The following MFSD6 variants were observed in gnomAD, a reference collection of about 807,000 sequenced individuals.
MFSD6 encodes the protein major facilitator superfamily domain-containing protein 6.
Under a neutral mutation model 56.3 loss-of-function variants are expected in MFSD6, and 26 were observed. The ratio of observed to expected loss-of-function variants is 0.46; its 90% CI spans 0.34 to 0.64. The LOEUF (loss-of-function observed/expected upper bound fraction) is 0.64, where lower values mean the gene tolerates loss of function less well. MFSD6 is among the 30% of genes least tolerant of loss of function. The pLI is 0.01. For missense variants in MFSD6, 750 were observed against 986.2 expected, an observed-to-expected ratio of 0.76 and a Z score of 3.21; for synonymous variants, 331 against 366.9, an observed-to-expected ratio of 0.90 and a Z score of 1.12.
rs947061248 is a variant in MFSD6, at chr2:190,489,131, A to G, written c.1792+313A>G. Among the ~76,000 whole-genome samples, 2 of 152,238 alleles carry G rather than the reference A, an allele frequency of 1.3e-5. No individual in the cohort carries two copies. Among genetic ancestry groups the G allele is most frequent in the Non-Finnish European group, 2.9e-5 (2 of 68,040 alleles). On this transcript the variant is annotated intron_variant, in intron 5 of 7. Coordinates refer to ENST00000392328, the MANE Select transcript of MFSD6 (RefSeq NM_017694.4). The surrounding 1 kb of genome is among the most constrained non-coding windows in gnomAD (Gnocchi z 6.6). ...CTTTTGGTCTAAAATAAGGTACCTTAAACCTGCTGATAATAACCCTAAAGG... is the reference window on the plus strand; with the variant it reads ...CTTTTGGTCTAAAATAAGGTACCTTGAACCTGCTGATAATAACCCTAAAGG...
At chr2:190,409,482 T>TG (rs1690463295) in intron 1 of MFSD6, among the ~76,000 whole-genome samples, 1 of 152,140 alleles carries the variant, frequency 6.6e-6, no homozygotes. Flanking sequence ...TAAATAGATG[T>TG]GTGTGCTTGG....
chr2:190,407,800 C>G (rs1318419481), upstream of MFSD6, among the ~76,000 whole-genome samples: 3 of 152,226 alleles, frequency 2.0e-5, no homozygotes, highest in Admixed American at 6.5e-5. This position sits in a 1 kb window ranked among gnomAD's most constrained non-coding sequence, Gnocchi z 5.4. Context: ...CCGCCGGCTC[C>G]TCCCTCCCGG....
At position 190,438,719 on chromosome 2, in the gene MFSD6, C is replaced by T. The variant is rs975791713; in HGVS notation, c.1532+1158C>T. On this transcript the variant is annotated intron_variant, in intron 3 of 7. Coordinates refer to ENST00000392328, the MANE Select transcript of MFSD6 (RefSeq NM_017694.4). This position sits in a 1 kb window ranked among gnomAD's most constrained non-coding sequence, Gnocchi z 5.2. ...TGAAGTTGCTGTAACTAAAAGCAAC[C>T]GTATGTGTTTGTGTGTATTTAAATC... is the stretch of plus-strand genomic sequence containing the variant. Among the ~76,000 whole-genome samples, 11 of 151,914 alleles carry T rather than the reference C, an allele frequency of 7.2e-5. No individual in the cohort carries two copies. The highest frequency in any genetic ancestry group is 2.0e-4 in the Admixed American group (3 of 15,254).
Position 190,467,722 on chromosome 2 carries a change from T to C in MFSD6, c.1533-2036T>C, listed in dbSNP as rs1687680228. Among the ~76,000 whole-genome samples, 1 of 152,172 alleles carries C rather than the reference T, an allele frequency of 6.6e-6. No individual in the cohort carries two copies. The highest frequency in any genetic ancestry group is 1.5e-5 in the Non-Finnish European group (1 of 68,028). ...TATATGGCCCGTGAACTAAGAATAA[T>C]AGTTTCTACATGTTTAAATGGTTGA... On this transcript the variant is annotated intron_variant, in intron 3 of 7. Coordinates refer to ENST00000392328, the MANE Select transcript of MFSD6 (RefSeq NM_017694.4). The surrounding 1 kb of genome is among the most constrained non-coding windows in gnomAD (Gnocchi z 5.5).
Position 190,436,946 on chromosome 2 carries a change from T to C in MFSD6, c.917T>C (p.Val306Ala). ...GGAGAATTTTTCAGTGCCTCTTCTG[T>C]CACAATCGTAGACACGGTCACACTC... ...IIGEFFSASS[V>A]TIVDTVTLQY... Residue 306 changes from valine (V) to alanine (A), a missense_variant, in exon 3 of 8, where the codon GTC becomes GCC. Val to Ala is a moderately conservative substitution (Grantham distance 64). Around this residue, in one of 5 missense-constraint regions of MFSD6, gnomAD observed 376 missense variants for 437.9 expected, o/e 0.86. Coordinates refer to ENST00000392328, the MANE Select transcript of MFSD6 (RefSeq NM_017694.4). The surrounding 1 kb of genome is among the most constrained non-coding windows in gnomAD (Gnocchi z 5.3). 1 of 1,614,196 alleles carries C rather than the reference T, an allele frequency of 6.2e-7. No homozygotes were observed. The highest frequency in any genetic ancestry group is 8.5e-7 in the Non-Finnish European group (1 of 1,180,040).
At position 190,424,007 on chromosome 2, in the gene MFSD6, G is replaced by A. The variant is rs1204228558; in HGVS notation, c.-54+8594G>A. Among the ~76,000 whole-genome samples the A allele has an allele frequency of 6.6e-6, 1 of 152,100 alleles. No homozygotes were observed. Among genetic ancestry groups the A allele is most frequent in the Non-Finnish European group, 1.5e-5 (1 of 68,030 alleles). ...CTAATTGGATTGTTTGTTGAGTTTG[G>A]AGAATTCTTTACATATTCTAGAAAC... On this transcript the variant is annotated intron_variant, in intron 2 of 7. Transcript: ENST00000392328. This position sits in a 1 kb window ranked among gnomAD's most constrained non-coding sequence, Gnocchi z 5.9.
Position 190,469,141 on chromosome 2 carries a change from C to A in MFSD6, c.1533-617C>A, listed in dbSNP as rs1205923134. ...TATTAGTTTTGTAAACATATGATAC[C>A]ATGAATTTTTTAAAAGATGAACATG... is the stretch of plus-strand genomic sequence containing the variant. On this transcript the variant is annotated intron_variant, in intron 3 of 7. Coordinates refer to ENST00000392328, the MANE Select transcript of MFSD6 (RefSeq NM_017694.4). This position sits in a 1 kb window ranked among gnomAD's most constrained non-coding sequence, Gnocchi z 5.3. Among the ~76,000 whole-genome samples the A allele has an allele frequency of 6.6e-6, 1 of 152,028 alleles. No homozygotes were observed. Among genetic ancestry groups the A allele is most frequent in the Non-Finnish European group, 1.5e-5 (1 of 68,004 alleles).
At chr2:190,441,793 C>G (rs1686388567) in intron 3 of MFSD6, among the ~76,000 whole-genome samples, 1 of 152,120 alleles carries the variant, frequency 6.6e-6, no homozygotes. Flanking sequence ...GTGGGTGGCC[C>G]TGAGCTCCAA....
intron 4 of MFSD6, among the ~76,000 whole-genome samples, chr2:190,479,517 AC>A (rs1339937763): frequency 6.6e-6 from 1 of 152,224 alleles, no homozygotes; most frequent in Non-Finnish European, 1.5e-5. Context: ...TGTACAAAGA[AC>A]AATTAAACAT....
rs6752113 is a variant in MFSD6, at chr2:190,418,002, A to G, written c.-54+2589A>G. 0.3 allele frequency among the ~76,000 whole-genome samples: 32,627 copies of G among 109,150 alleles called. 4,143 individuals are homozygous for G. Among genetic ancestry groups the G allele is most frequent in the South Asian group, 0.42 (1,503 of 3,572 alleles). The allele number at this position is 109,150 out of a possible 152,430, so 71.6% of individuals were successfully genotyped here. A position where few individuals can be genotyped will look rare whatever the true frequency, so the allele number is the denominator to read the frequency against. On this transcript the variant is annotated intron_variant, in intron 2 of 7. Coordinates refer to ENST00000392328, the MANE Select transcript of MFSD6 (RefSeq NM_017694.4). The surrounding 1 kb of genome is among the most constrained non-coding windows in gnomAD (Gnocchi z 4.1). ...TGTGTGTGTGTGTGTGTGTGTGTGT[A>G]TGTGAGAGAGAGAGAGATGTGGTTT... is the stretch of plus-strand genomic sequence containing the variant.
rs1194160514 is a variant in MFSD6 at position 190,465,395 on chromosome 2, T to C, written c.1533-4363T>C. Among the ~76,000 whole-genome samples the C allele has an allele frequency of 1.3e-5, 2 of 152,082 alleles. No individual in the cohort carries two copies. Among genetic ancestry groups the C allele is most frequent in the Non-Finnish European group, 2.9e-5 (2 of 67,994 alleles). On this transcript the variant is annotated intron_variant, in intron 3 of 7. Transcript: ENST00000392328. The surrounding 1 kb of genome is among the most constrained non-coding windows in gnomAD (Gnocchi z 4.6). ...TTTTTGAGTTTTATCATTATAGGTGTTCAGTAGGTATCTATATCTCGTGGA... is the reference window on the plus strand; with the variant it reads ...TTTTTGAGTTTTATCATTATAGGTGCTCAGTAGGTATCTATATCTCGTGGA...
chr2:190,437,123 A>G lies in MFSD6; in HGVS notation c.1094A>G (p.Tyr365Cys). 1 of 1,614,272 alleles carries G rather than the reference A, an allele frequency of 6.2e-7. No homozygotes were observed. Residue 365 changes from tyrosine (Y) to cysteine (C), a missense_variant, in exon 3 of 8, where the codon TAC becomes TGC. This residue lies in a region of MFSD6 where 376 missense variants were observed against 437.9 expected (regional missense o/e 0.86). Coordinates refer to ENST00000392328, the MANE Select transcript of MFSD6 (RefSeq NM_017694.4). This position sits in a 1 kb window ranked among gnomAD's most constrained non-coding sequence, Gnocchi z 5.9. ...GGAAAGGGGTGTAAGCCCCCCGAGT[A>G]CAGGAATTACCAGATCGTCTTCATC... ...IDGKGCKPPEYRNYQIVFIVF... is the reference protein window; with the variant it reads ...IDGKGCKPPECRNYQIVFIVF...
chr2:190,463,962 C>T lies in MFSD6; in HGVS notation c.1533-5796C>T, dbSNP rs1574162547. ...AGACTGTAGACTGTGCTCCAGGGAT[C>T]TGGTGTCAACAACCAGCTCTTTTCA... On this transcript the variant is annotated intron_variant, in intron 3 of 7. Coordinates refer to ENST00000392328, the MANE Select transcript of MFSD6 (RefSeq NM_017694.4). The surrounding 1 kb of genome is among the most constrained non-coding windows in gnomAD (Gnocchi z 4.4). 1.1e-6 allele frequency: 1 copy of T among 873,636 alleles called. No individual in the cohort carries two copies. The highest frequency in any genetic ancestry group is 1.4e-6 in the Non-Finnish European group (1 of 728,154). The allele number at this position is 873,636 out of a possible 1,614,324, so 54.1% of individuals were successfully genotyped here.
rs1367551701 is a variant in MFSD6, at chr2:190,435,993, C to T, written c.-37C>T. On this transcript the variant is annotated 5_prime_UTR_variant, in exon 3 of 8. Coordinates refer to ENST00000392328, the MANE Select transcript of MFSD6 (RefSeq NM_017694.4). ...ACTTTACAGATCAACAGTACAAATTCTGAAGTTTGTAAACTTGCTGATGGT... is the reference window on the plus strand; with the variant it reads ...ACTTTACAGATCAACAGTACAAATTTTGAAGTTTGTAAACTTGCTGATGGT... 6.4e-7 allele frequency: 1 copy of T among 1,569,002 alleles called. No individual in the cohort carries two copies. Among genetic ancestry groups the T allele is most frequent in the Non-Finnish European group, 8.6e-7 (1 of 1,158,826 alleles).
In MFSD6 at chr2:190,424,835, A is replaced by T. The variant is rs1006147119; in HGVS notation, c.-54+9422A>T. Among the ~76,000 whole-genome samples, 1 of 152,196 alleles carries T rather than the reference A, an allele frequency of 6.6e-6. No homozygotes were observed. The highest frequency in any genetic ancestry group is 6.5e-5 in the Admixed American group (1 of 15,280). ...CTAATACCACACGGTCTTAATGCAC[A>T]GCTATATGATCTTTTTCAAAACTGC... On this transcript the variant is annotated intron_variant, in intron 2 of 7. Transcript: ENST00000392328. This position sits in a 1 kb window ranked among gnomAD's most constrained non-coding sequence, Gnocchi z 5.9.
At position 190,439,813 on chromosome 2, in the gene MFSD6, G is replaced by A. The variant is rs932461178; in HGVS notation, c.1532+2252G>A. On this transcript the variant is annotated intron_variant, in intron 3 of 7. Transcript: ENST00000392328. This position sits in a 1 kb window ranked among gnomAD's most constrained non-coding sequence, Gnocchi z 5.8. ...GAATTTTCATTCTGTCCATTAAAAT[G>A]TATTAATTATTTCAAGTGCTTTTAA... is the stretch of plus-strand genomic sequence containing the variant. 6.6e-6 allele frequency among the ~76,000 whole-genome samples: 1 copy of A among 152,220 alleles called. No homozygotes were observed. The highest frequency in any genetic ancestry group is 1.5e-5 in the Non-Finnish European group (1 of 68,028).
At position 190,434,534 on chromosome 2, in the gene MFSD6, C is replaced by T. The variant is rs1434268138; in HGVS notation, c.-53-1443C>T. 6.6e-6 allele frequency among the ~76,000 whole-genome samples: 1 copy of T among 152,132 alleles called. No individual in the cohort carries two copies. The highest frequency in any genetic ancestry group is 1.5e-5 in the Non-Finnish European group (1 of 68,028). Reference sequence around the variant, plus strand: ...CACTGCAACCTCCGCCTCCTGGGTTCGAGCAATTTGCCTGCCTCAGCTTCC... The same window carrying T: ...CACTGCAACCTCCGCCTCCTGGGTTTGAGCAATTTGCCTGCCTCAGCTTCC... On this transcript the variant is annotated intron_variant, in intron 2 of 7. Transcript: ENST00000392328. This position sits in a 1 kb window ranked among gnomAD's most constrained non-coding sequence, Gnocchi z 4.3.
intron 1 of MFSD6, among the ~76,000 whole-genome samples, chr2:190,409,090 G>C (rs140911085): frequency 7.0e-4 from 106 of 152,278 alleles, no homozygotes; most frequent in Admixed American, 4.6e-3. Context: ...AAATACCTCT[G>C]CTCTGCCAGC....
In MFSD6 at chr2:190,491,606, C is replaced by T. The variant is rs993593389; in HGVS notation, c.1891+1740C>T. 6.6e-6 allele frequency among the ~76,000 whole-genome samples: 1 copy of T among 152,218 alleles called. No individual in the cohort carries two copies. Among genetic ancestry groups the T allele is most frequent in the African/African-American group, 2.4e-5 (1 of 41,456 alleles). ...TCAGGAAGCCACATCCCTCAGAAAA[C>T]AGGGAGAGTACTACATCAAGGGAAC... is the stretch of plus-strand genomic sequence containing the variant. On this transcript the variant is annotated intron_variant, in intron 6 of 7. Transcript: ENST00000392328. This position sits in a 1 kb window ranked among gnomAD's most constrained non-coding sequence, Gnocchi z 4.2.
Sources: allele counts gnomAD v4.1 joint callset (sites outside exome capture counted in the v4.1 genomes callset), GRCh38; gene constraint gnomAD v4.1.1; regional missense constraint gnomAD v4.1.1; non-coding constraint Gnocchi (gnomAD v3.1); transcripts MANE v1.5; gene names NCBI Gene and HGNC (gene_info 2026-07-23, HGNC 2026-07-21).